Variants in DMD observed in about 807,000 individuals in gnomAD.
The protein encoded by DMD is dystrophin.
Under a neutral mutation model 330.1 loss-of-function variants are expected in DMD, and 63 were observed. The observed-to-expected ratio is 0.19, with a 90% CI of 0.16 to 0.24. The LOEUF is 0.24. DMD is among the 10% of genes least tolerant of loss of function. The pLI is 1.00. For missense variants in DMD, 3,344 were observed against 2,684.1 expected (o/e 1.25, Z -5.43); for synonymous variants, 1,223 against 959.8 (o/e 1.27, Z -5.07).
intron 7 of DMD, among the ~76,000 whole-genome samples, chrX:32,703,628 C>T (rs868613360): frequency 1.3e-4 from 14 of 111,192 alleles, no homozygotes; most frequent in Admixed American, 3.8e-4. Flanking sequence ...TTATGGACTT[C>T]GGGGTAATCC....
At chrX:32,840,740 TG>T (rs1380252797) in intron 4 of DMD, among the ~76,000 whole-genome samples, 3 of 112,321 alleles carry the variant, frequency 2.7e-5, no homozygotes, top group Non-Finnish European at 5.6e-5. Flanking sequence ...GACTTCATCT[TG>T]TATATTGTGT....
At chrX:31,576,869 C>T (rs899904262) in intron 55 of DMD, among the ~76,000 whole-genome samples, 3 of 109,873 alleles carry the variant, frequency 2.7e-5, no homozygotes, top group Non-Finnish European at 5.7e-5. Flanking sequence ...GCGCCCACCA[C>T]CACGCCCGGC....
At position 32,217,706 on chromosome X, in the gene DMD, G is replaced by C. The variant is rs1348202019; in HGVS notation, c.6291-643C>G. ...ATGGATCTGCCAAGAAACCTGATTT[G>C]ATCATTACACAATGAAACATTACAC... On this transcript the variant is annotated intron_variant, in intron 43 of 78. Transcript: ENST00000357033. 4.0e-3 allele frequency among the ~76,000 whole-genome samples: 438 copies of C among 110,215 alleles called. 3 individuals are homozygous for C. The highest frequency in any genetic ancestry group is 0.014 in the African/African-American group (425 of 30,051).
intron 44 of DMD, among the ~76,000 whole-genome samples, chrX:32,200,130 T>C (rs1188839269): frequency 9.0e-6 from 1 of 111,186 alleles, no homozygotes; most frequent in African/African-American, 3.3e-5. Flanking sequence ...ACTTTTGAAT[T>C]GGGATGAGAG....
Position 32,849,789 on chromosome X carries a change from C to T in DMD, c.125G>A (p.Ser42Asn), listed in dbSNP as rs1557084218. ...FGKQHIENLF[S>N]DLQDGRRLLD... The stretch of plus-strand genomic sequence containing the variant: ...GAGGCGCCTCCCATCCTGTAGGTCA[C>T]TGAAGAGGTTCTCAATATGCTGCTT... The change falls in exon 3 of 79, where the codon AGT becomes AAT. Residue 42 changes from serine (S) to asparagine (N), a missense_variant. Coordinates refer to ENST00000357033, the MANE Select transcript of DMD (RefSeq NM_004006.3). The T allele has an allele frequency of 2.5e-6, 3 of 1,206,624 alleles. No homozygotes were observed. Among genetic ancestry groups the T allele is most frequent in the Non-Finnish European group, 3.4e-6 (3 of 893,165 alleles).
At chrX:33,320,876 T>G (rs895780197) in intron 1 of DMD, among the ~76,000 whole-genome samples, 8 of 112,286 alleles carry the variant, frequency 7.1e-5, no homozygotes, top group African/African-American at 2.6e-4. Flanking sequence ...CTCAGCATCT[T>G]CACCAGAAGT....
At chrX:32,844,752 G>A (rs1489069172) in intron 4 of DMD, 31 bp downstream of exon 4, 2 of 1,154,764 alleles carry the variant, frequency 1.7e-6, no homozygotes, top group South Asian at 1.8e-5. Flanking sequence ...CTGTGTCACA[G>A]CATCCAGACC....
intron 30 of DMD, among the ~76,000 whole-genome samples, chrX:32,409,986 A>AT (rs1263320125): frequency 8.9e-6 from 1 of 111,822 alleles, no homozygotes; most frequent in African/African-American, 3.2e-5. Context: ...ATAAATATGT[A>AT]TAAATATTTT....
intron 7 of DMD, among the ~76,000 whole-genome samples, chrX:32,739,703 G>GGA (rs2148162113): frequency 9.0e-6 from 1 of 111,577 alleles, no homozygotes; most frequent in East Asian, 2.9e-4. Context: ...TACCACTGTT[G>GGA]AAGTGTTTTC....
At chrX:31,721,721 T>TAG (rs2085565344) in intron 52 of DMD, among the ~76,000 whole-genome samples, 2 of 69,159 alleles carry the variant, frequency 2.9e-5, no homozygotes, top group Non-Finnish European at 6.0e-5. Flanking sequence ...TCTCTCTCTA[T>TAG]ATATATATAT....
At position 32,402,401 on chromosome X, in the gene DMD, T is replaced by C. The variant is rs1474312104; in HGVS notation, c.4233+9351A>G. ...CATATAGTCAATGAACAATAGGAAA[T>C]TTATAGAGTCATGTATATATCACCA... On this transcript the variant is annotated intron_variant, in intron 30 of 78. Coordinates refer to ENST00000357033, the MANE Select transcript of DMD (RefSeq NM_004006.3). Among the ~76,000 whole-genome samples the C allele has an allele frequency of 6.3e-5, 7 of 111,495 alleles. No individual in the cohort carries two copies. The East Asian group carries it at 1.4e-3, about 22-fold the overall frequency.
chrX:32,931,013 AT>A (rs1435936443), intron 2 of DMD, among the ~76,000 whole-genome samples: 169 of 107,792 alleles, frequency 1.6e-3, no homozygotes, highest in African/African-American at 5.3e-3. Context: ...TTTATACTAT[AT>A]TAATACATAT....
chrX:33,265,467 C>T (rs1414255130), intron 1 of DMD, among the ~76,000 whole-genome samples: 9 of 111,262 alleles, frequency 8.1e-5, no homozygotes, highest in Non-Finnish European at 1.1e-4. Context: ...TGAGAATTTA[C>T]GTTAATGTCT....
At position 32,839,324 on chromosome X, in the gene DMD, A is replaced by G. The variant is rs751005593; in HGVS notation, c.264+5459T>C. Among the ~76,000 whole-genome samples the G allele has an allele frequency of 4.5e-5, 5 of 111,519 alleles. No homozygotes were observed. The East Asian group carries it at 1.4e-3, about 32-fold the overall frequency. On this transcript the variant is annotated intron_variant, in intron 4 of 78. Coordinates refer to ENST00000357033, the MANE Select transcript of DMD (RefSeq NM_004006.3). Reference sequence around the variant, plus strand: ...ATTCCAAGGCTCACTCCCTTTCTCCAGGTCTCTGCTCATATAGGAACTGAA... The same window carrying G: ...ATTCCAAGGCTCACTCCCTTTCTCCGGGTCTCTGCTCATATAGGAACTGAA...
chrX:31,327,798 G>C (rs909214492), intron 61 of DMD, among the ~76,000 whole-genome samples: 14 of 112,290 alleles, frequency 1.2e-4, no homozygotes, highest in African/African-American at 4.5e-4. Context: ...GTAACCTTTT[G>C]ATACTGGTTT....
intron 1 of DMD, among the ~76,000 whole-genome samples, chrX:33,326,150 T>C (rs1037200274): frequency 9.0e-6 from 1 of 110,724 alleles, no homozygotes. Context: ...GCAATGGAAA[T>C]GATGTCACCT....
rs752544176 is a variant in DMD, at chrX:31,858,563, TCTC to T, written c.7098+16622_7098+16624del. ...AATAGCTTTATTTAAAATAGATACT[TCTC>T]CTAATGCTAAAACTTAAAGTATAAT... is the stretch of plus-strand genomic sequence containing the variant. On this transcript the variant is annotated intron_variant, in intron 48 of 78. Coordinates refer to ENST00000357033, the MANE Select transcript of DMD (RefSeq NM_004006.3). Among the ~76,000 whole-genome samples the T allele has an allele frequency of 1.8e-3, 177 of 100,424 alleles. 1 individual carries two copies. Among genetic ancestry groups the T allele is most frequent in the African/African-American group, 6.3e-3 (168 of 26,814 alleles). The allele number at this position is 100,424 out of a possible 115,157, so 87.2% of individuals were successfully genotyped here. A position where few individuals can be genotyped will look rare whatever the true frequency, so the allele number is the denominator to read the frequency against.
At chrX:32,779,149 A>C (rs191704151) in intron 7 of DMD, among the ~76,000 whole-genome samples, 1 of 111,036 alleles carries the variant, frequency 9.0e-6, no homozygotes, top group African/African-American at 3.3e-5. Flanking sequence ...TGTATGAATT[A>C]TTTCATCATT....
intron 44 of DMD, among the ~76,000 whole-genome samples, chrX:32,103,639 A>G (rs761110600): frequency 3.0e-4 from 34 of 112,437 alleles, no homozygotes; most frequent in Admixed American, 5.7e-4. Flanking sequence ...GTTTGCTTTA[A>G]TAGAACAAAT....
Sources: allele counts gnomAD v4.1 joint callset (sites outside exome capture counted in the v4.1 genomes callset), GRCh38; gene constraint gnomAD v4.1.1; transcripts MANE v1.5; gene names NCBI Gene and HGNC (gene_info 2026-07-23, HGNC 2026-07-21).